PPP3CC: variants seen among roughly 807,000 people sequenced by gnomAD.
PPP3CC encodes serine/threonine-protein phosphatase 2B catalytic subunit gamma isoform.
A neutral mutation model predicts 60.3 loss-of-function variants in PPP3CC; 35 were observed. The observed-to-expected ratio is 0.58, with a 90% CI of 0.44 to 0.77. PPP3CC has a LOEUF of 0.77. Among genes scored for constraint, PPP3CC ranks in the 30% least tolerant of loss-of-function variants. The pLI, the probability that PPP3CC is intolerant of heterozygous loss-of-function variation, is 0.00. For synonymous variants in PPP3CC, 206 were observed against 224.3 expected (o/e 0.92, Z 0.73); for missense variants, 570 against 628.9 (o/e 0.91, Z 1.00).
intron 1 of PPP3CC, among the ~76,000 whole-genome samples, chr8:22,467,671 C>T (rs1837586150): frequency 6.6e-6 from 1 of 152,154 alleles, no homozygotes; most frequent in African/African-American, 2.4e-5. Flanking sequence ...TTATGATCCA[C>T]CTGCCTCCGC....
At chr8:22,529,401 T>C (rs1465167176) in intron 10 of PPP3CC, among the ~76,000 whole-genome samples, 4 of 152,210 alleles carry the variant, frequency 2.6e-5, no homozygotes, top group African/African-American at 9.7e-5. Flanking sequence ...AATTTTTAGT[T>C]TATATTTTTA....
chr8:22,470,333 A>G (rs143729100), intron 1 of PPP3CC, among the ~76,000 whole-genome samples: 81 of 152,220 alleles, frequency 5.3e-4, no homozygotes, highest in African/African-American at 1.9e-3. Context: ...CTATCCAACA[A>G]TAAGAAAATG....
intron 1 of PPP3CC, among the ~76,000 whole-genome samples, chr8:22,460,971 G>A (rs575440244): frequency 1.3e-5 from 2 of 151,998 alleles, no homozygotes; most frequent in South Asian, 2.1e-4. Context: ...TTAGCCTCCC[G>A]AGTAGCTGGA....
intron 5 of PPP3CC, among the ~76,000 whole-genome samples, chr8:22,511,938 C>T (rs1563761752): frequency 6.6e-6 from 1 of 152,082 alleles, no homozygotes; most frequent in Non-Finnish European, 1.5e-5. Context: ...TCTGAGGACA[C>T]TGCCAGCTCC....
rs141633302 is a variant in PPP3CC at position 22,493,091 on chromosome 8, G to A, written c.373-4910G>A. The stretch of plus-strand genomic sequence containing the variant: ...CTTCCAAGATGGAGAATTTTGATGA[G>A]GCTTCCAAGAATGAGGCAAACTGAA... On this transcript the variant is annotated intron_variant, in intron 3 of 13. Transcript: ENST00000240139. 7,355 of 1,554,416 alleles carry A rather than the reference G, an allele frequency of 4.7e-3. 29 individuals carry two copies. The highest frequency in any genetic ancestry group is 8.3e-3 in the Admixed American group (496 of 59,642).
At chr8:22,466,965 C>T (rs575331328) in intron 1 of PPP3CC, among the ~76,000 whole-genome samples, 4 of 152,164 alleles carry the variant, frequency 2.6e-5, no homozygotes, top group African/African-American at 9.6e-5. Flanking sequence ...AGGCTGGTTT[C>T]GAACTCTTGG....
In PPP3CC at chr8:22,540,794, C is replaced by T; in HGVS notation, c.1531C>T (p.His511Tyr). 6.2e-7 allele frequency: 1 copy of T among 1,609,548 alleles called. No homozygotes were observed. The highest frequency in any genetic ancestry group is 8.5e-7 in the Non-Finnish European group (1 of 1,177,846). ...CAGGAGCGACCAAGGGAAGAAAGCC[C>T]ATTCATGACTTAGAGTCCTGCCGTG... ...AHRSDQGKKAHS is the reference protein window; with the variant it reads ...AHRSDQGKKAYS The change falls in exon 14 of 14, where the codon CAT (histidine) becomes TAT (tyrosine). Residue 511 changes from histidine (H) to tyrosine (Y), a missense_variant. By Grantham distance (83) the His-to-Tyr change is moderately conservative (BLOSUM62 2). Coordinates refer to ENST00000240139, the MANE Select transcript of PPP3CC (RefSeq NM_005605.5).
chr8:22,464,396 T>G (rs1028455523), intron 1 of PPP3CC, among the ~76,000 whole-genome samples: 7 of 152,186 alleles, frequency 4.6e-5, no homozygotes, highest in Non-Finnish European at 8.8e-5. Flanking sequence ...ACTTATTTTT[T>G]AGAGACAGGG....
intron 8 of PPP3CC, among the ~76,000 whole-genome samples, chr8:22,525,554 C>G (rs1839535756): frequency 7.2e-6 from 1 of 138,632 alleles, no homozygotes; most frequent in Admixed American, 7.3e-5. Flanking sequence ...CTCTCTCTCT[C>G]TCTCTTTCTT....
chr8:22,540,178 C>T (rs865871131), intron 13 of PPP3CC, among the ~76,000 whole-genome samples: 20 of 152,088 alleles, frequency 1.3e-4, no homozygotes, highest in Non-Finnish European at 1.9e-4. Context: ...TCTTTTGTTA[C>T]TTTTTTTTGT....
intron 3 of PPP3CC, among the ~76,000 whole-genome samples, chr8:22,480,520 C>A (rs1373564576): frequency 6.6e-6 from 1 of 152,146 alleles, no homozygotes; most frequent in Non-Finnish European, 1.5e-5. Flanking sequence ...GCTCTGTCAC[C>A]CAGGCTGGAG....
intron 4 of PPP3CC, among the ~76,000 whole-genome samples, chr8:22,509,924 G>A (rs150713790): frequency 0.073 from 11,034 of 152,000 alleles, 529 homozygotes; most frequent in Non-Finnish European, 0.1. Flanking sequence ...AGTGGCTCAC[G>A]CCTGTAATCC....
At chr8:22,475,290 T>C (rs1837852639) in intron 2 of PPP3CC, 139 bp downstream of exon 2, 4 of 984,358 alleles carry the variant, frequency 4.1e-6, no homozygotes, top group East Asian at 2.6e-5. Context: ...TTGGTTAGGA[T>C]ATTTGTTGTT....
chr8:22,517,019 C>T (rs1040064401), intron 6 of PPP3CC, among the ~76,000 whole-genome samples: 8 of 152,124 alleles, frequency 5.3e-5, no homozygotes, highest in East Asian at 1.9e-4. Context: ...ATGTTATGAC[C>T]GGAGCCTCAC....
intron 1 of PPP3CC, among the ~76,000 whole-genome samples, chr8:22,474,258 A>G (rs1286498366): frequency 1.3e-5 from 2 of 152,182 alleles, no homozygotes; most frequent in East Asian, 1.9e-4. Context: ...CCATTTTAGT[A>G]TTATGACTAC....
At chr8:22,504,728 TTTCC>T (rs1261974474) in intron 4 of PPP3CC, among the ~76,000 whole-genome samples, 6 of 131,870 alleles carry the variant, frequency 4.5e-5, no homozygotes, top group African/African-American at 1.7e-4. Context: ...CCCTCCCTTC[TTTCC>T]TTCCTTCCGT....
chr8:22,539,233 C>A (rs992777828), intron 12 of PPP3CC, among the ~76,000 whole-genome samples: 1 of 149,284 alleles, frequency 6.7e-6, no homozygotes, highest in Non-Finnish European at 1.5e-5. Context: ...AGCAATGTTC[C>A]ATGGCACCTG....
chr8:22,476,542 A>G (rs1481495867), intron 3 of PPP3CC, among the ~76,000 whole-genome samples: 2 of 152,228 alleles, frequency 1.3e-5, no homozygotes, highest in African/African-American at 4.8e-5. Context: ...TGCCCAAGCA[A>G]AGGAGCAGCA....
chr8:22,529,957 C>T (rs916198156), intron 10 of PPP3CC, among the ~76,000 whole-genome samples: 1 of 152,152 alleles, frequency 6.6e-6, no homozygotes, highest in South Asian at 2.1e-4. Flanking sequence ...GGTGGTCATC[C>T]AAGCACAAAC....
Sources: gnomAD v4.1 joint callset for allele counts (sites outside exome capture counted in the v4.1 genomes callset) on GRCh38, gnomAD v4.1.1 for gene constraint, MANE v1.5 for transcripts, NCBI Gene and HGNC (gene_info 2026-07-23, HGNC 2026-07-21) for gene names.